Variants in PGGT1B observed in about 807,000 individuals in gnomAD.
PGGT1B encodes the protein protein geranylgeranyltransferase type I subunit beta.
Under a neutral mutation model 46.1 loss-of-function variants are expected in PGGT1B, and 30 were observed. The ratio of observed to expected loss-of-function variants is 0.65; its 90% CI spans 0.49 to 0.88. The LOEUF (loss-of-function observed/expected upper bound fraction) is 0.88. Ranked by LOEUF, PGGT1B falls within the 40% of genes least tolerant of loss-of-function variation. PGGT1B has a pLI of 0.00. For missense variants in PGGT1B, 376 were observed against 455.9 expected (o/e 0.82, Z 1.60); for synonymous variants, 170 against 160.0 (o/e 1.06, Z -0.47).
intron 5 of PGGT1B, among the ~76,000 whole-genome samples, chr5:115,233,373 G>A (rs1348751112): frequency 6.6e-6 from 1 of 151,442 alleles, no homozygotes; most frequent in African/African-American, 2.4e-5. Flanking sequence ...GATGACTAAG[G>A]AAGAATAATC....
chr5:115,217,053 TTAGA>T, intron 7 of PGGT1B, 80 bp from the exon 8 acceptor site: 1 of 695,712 alleles, frequency 1.4e-6, no homozygotes, highest in South Asian at 1.7e-5. Context: ...TACGTGTCAT[TTAGA>T]TATGCTTTTC....
chr5:115,257,823 A>C (rs929114640), intron 1 of PGGT1B, among the ~76,000 whole-genome samples: 1 of 152,234 alleles, frequency 6.6e-6, no homozygotes, highest in Non-Finnish European at 1.5e-5. Context: ...TACATTAAGA[A>C]ATAAGAACAC....
chr5:115,231,056 AAAT>A (rs751821587), intron 5 of PGGT1B, 35 bp from the exon 6 acceptor site: 803 of 1,093,162 alleles, frequency 7.3e-4, no homozygotes, highest in South Asian at 1.1e-3. Flanking sequence ...TTTAATAGGG[AAAT>A]AATAATAATA....
At chr5:115,214,211 G>A (rs1166117122) in intron 8 of PGGT1B, among the ~76,000 whole-genome samples, 1 of 152,068 alleles carries the variant, frequency 6.6e-6, no homozygotes, top group African/African-American at 2.4e-5. Flanking sequence ...TCTGGGTAAA[G>A]TAACAAATAA....
intron 2 of PGGT1B, among the ~76,000 whole-genome samples, chr5:115,245,468 C>A (rs1168720785): frequency 6.6e-6 from 1 of 152,164 alleles, no homozygotes; most frequent in African/African-American, 2.4e-5. Context: ...GTTCTATAGG[C>A]AAGTAACAAC....
chr5:115,219,916 T>C (rs1756535434), intron 7 of PGGT1B, among the ~76,000 whole-genome samples: 1 of 151,692 alleles, frequency 6.6e-6, no homozygotes, highest in Non-Finnish European at 1.5e-5. Context: ...ATTATATTAA[T>C]ATATATACAT....
intron 6 of PGGT1B, among the ~76,000 whole-genome samples, chr5:115,222,839 A>T (rs1374109487): frequency 6.6e-6 from 1 of 152,156 alleles, no homozygotes; most frequent in African/African-American, 2.4e-5. Context: ...GAAGCTGGAA[A>T]CCACCATTCT....
chr5:115,241,623 T>A lies in PGGT1B; in HGVS notation c.260-17A>T. ...GATTTGATCCTAGAAAATAAAAGCA[T>A]GTGCTTATTTAAAGTACACTTTATT... On this transcript the variant is annotated splice_polypyrimidine_tract_variant and intron_variant, in intron 2 of 8. Coordinates refer to ENST00000419445, the MANE Select transcript of PGGT1B (RefSeq NM_005023.4). 5 of 1,587,934 alleles carry A rather than the reference T, an allele frequency of 3.1e-6. No homozygotes were observed. Among genetic ancestry groups the A allele is most frequent in the Non-Finnish European group, 4.3e-6 (5 of 1,163,186 alleles).
At chr5:115,240,711 G>C (rs888052943) in intron 3 of PGGT1B, among the ~76,000 whole-genome samples, 1 of 152,118 alleles carries the variant, frequency 6.6e-6, no homozygotes, top group African/African-American at 2.4e-5. Flanking sequence ...AGCTGATTAC[G>C]GAAAAACTGG....
rs968520868 is a variant in PGGT1B, at chr5:115,204,362, G to C, written c.*8040C>G. 2 of 152,120 alleles carry C rather than the reference G, an allele frequency of 1.3e-5. No individual in the cohort carries two copies. Among genetic ancestry groups the C allele is most frequent in the African/African-American group, 4.8e-5 (2 of 41,404 alleles). 9.4% of individuals were successfully genotyped at this position (152,120 alleles called of 1,614,324 possible). Reference sequence around the variant, plus strand: ...TCTAACGAGTACCCAGGTGATGCTAGTGTTTCCATCTGTAGACAACATTTG... The same window carrying C: ...TCTAACGAGTACCCAGGTGATGCTACTGTTTCCATCTGTAGACAACATTTG... On this transcript the variant is annotated 3_prime_UTR_variant, in exon 9 of 9. Coordinates refer to ENST00000419445, the MANE Select transcript of PGGT1B (RefSeq NM_005023.4).
chr5:115,224,558 T>C (rs1335331187), intron 6 of PGGT1B, among the ~76,000 whole-genome samples: 1 of 152,154 alleles, frequency 6.6e-6, no homozygotes, highest in Non-Finnish European at 1.5e-5. Flanking sequence ...AAACTAGTTA[T>C]AAAACCCTGT....
At chr5:115,216,183 A>G (rs1262706432) in intron 8 of PGGT1B, among the ~76,000 whole-genome samples, 1 of 152,148 alleles carries the variant, frequency 6.6e-6, no homozygotes, top group African/African-American at 2.4e-5. Flanking sequence ...TCTGTCACAC[A>G]GGCTGGAGGG....
intron 3 of PGGT1B, among the ~76,000 whole-genome samples, chr5:115,239,137 A>T (rs1158598394): frequency 1.3e-5 from 2 of 152,008 alleles, no homozygotes; most frequent in Non-Finnish European, 2.9e-5. Context: ...TCCAAGGCTC[A>T]AGCAATCCTC....
intron 1 of PGGT1B, among the ~76,000 whole-genome samples, chr5:115,260,720 T>C (rs1748519472): frequency 6.6e-6 from 1 of 152,000 alleles, no homozygotes; most frequent in African/African-American, 2.4e-5. Context: ...TGACAAACAT[T>C]AGACAAAAAA....
chr5:115,226,417 A>G (rs1756784988), intron 6 of PGGT1B, among the ~76,000 whole-genome samples: 1 of 152,156 alleles, frequency 6.6e-6, no homozygotes, highest in Non-Finnish European at 1.5e-5. Flanking sequence ...CAAGGGAATC[A>G]TGGGGATAAA....
At chr5:115,246,002 T>C (rs1747816880) in intron 2 of PGGT1B, among the ~76,000 whole-genome samples, 1 of 152,190 alleles carries the variant, frequency 6.6e-6, no homozygotes, top group South Asian at 2.1e-4. Flanking sequence ...CACACTTAAA[T>C]CCTAATGTTT....
rs1196613401 is a variant in PGGT1B, at chr5:115,206,399, T to A, written c.*6003A>T. The stretch of plus-strand genomic sequence containing the variant: ...AAAGTGAAATAAGCTATATATTTTT[T>A]AAAATTGTAAATATCTGAATAATTA... On this transcript the variant is annotated 3_prime_UTR_variant, in exon 9 of 9. Coordinates refer to ENST00000419445, the MANE Select transcript of PGGT1B (RefSeq NM_005023.4). 2 of 152,006 alleles carry A rather than the reference T, an allele frequency of 1.3e-5. No individual in the cohort carries two copies. The highest frequency in any genetic ancestry group is 2.4e-5 in the African/African-American group (1 of 41,446). 9.4% of individuals were successfully genotyped at this position (152,006 alleles called of 1,614,324 possible). A position where few individuals can be genotyped will look rare whatever the true frequency, so the allele number is the denominator to read the frequency against.
chr5:115,246,706 T>C (rs906934607), intron 2 of PGGT1B, among the ~76,000 whole-genome samples: 1 of 152,176 alleles, frequency 6.6e-6, no homozygotes, highest in South Asian at 2.1e-4. Context: ...CCCATGCCTG[T>C]TAAAAAGCAT....
chr5:115,252,089 G>A lies in PGGT1B; in HGVS notation c.259+1048C>T, dbSNP rs562411447. Among the ~76,000 whole-genome samples, 4 of 152,168 alleles carry A rather than the reference G, an allele frequency of 2.6e-5. No individual in the cohort carries two copies. The South Asian group carries it at 8.3e-4, about 32-fold the overall frequency. ...GTTTAGAAGAATAGTACTCTTAGCAGAAATTCAATAAATCCTACTCATCAA... is the reference window on the plus strand; with the variant it reads ...GTTTAGAAGAATAGTACTCTTAGCAAAAATTCAATAAATCCTACTCATCAA... On this transcript the variant is annotated intron_variant, in intron 2 of 8. Transcript: ENST00000419445.
Sources: gnomAD v4.1 joint callset for allele counts (sites outside exome capture counted in the v4.1 genomes callset) on GRCh38, gnomAD v4.1.1 for gene constraint, MANE v1.5 for transcripts, NCBI Gene and HGNC (gene_info 2026-07-23, HGNC 2026-07-21) for gene names.